The following CREB5 variants were observed in gnomAD, a reference collection of about 807,000 sequenced individuals.
The protein encoded by CREB5 is cAMP responsive element binding protein 5.
In CREB5, 19 loss-of-function variants were observed where a neutral mutation model predicts 57.1. The ratio of observed to expected loss-of-function variants is 0.33; its 90% CI spans 0.23 to 0.49. CREB5 has a LOEUF of 0.49. Among genes scored for constraint, CREB5 ranks in the 20% least tolerant of loss-of-function variants. The pLI is 0.99. For synonymous variants in CREB5, 238 were observed against 238.3 expected (o/e 1.00, Z 0.01); for missense variants, 579 against 671.6 (o/e 0.86, Z 1.52).
chr7:28,343,463 TG>T (rs1238925735), intron 1 of CREB5, among the ~76,000 whole-genome samples: 4 of 152,020 alleles, frequency 2.6e-5, no homozygotes. Context: ...TTTCTGTGCC[TG>T]CCTGGCTTAT....
intron 1 of CREB5, among the ~76,000 whole-genome samples, chr7:28,354,893 G>C (rs900242435): frequency 6.6e-5 from 10 of 152,200 alleles, no homozygotes; most frequent in African/African-American, 2.4e-4. Flanking sequence ...TGAAGTCACA[G>C]ACGTAAGGAT....
chr7:28,334,737 G>C (rs1377097877), intron 1 of CREB5, among the ~76,000 whole-genome samples: 4 of 152,094 alleles, frequency 2.6e-5, no homozygotes, highest in Admixed American at 6.5e-5. Flanking sequence ...TGTTTGCTTT[G>C]GTTGCCAGTG....
At chr7:28,561,013 T>TGCGTGCGTGCGTGCGC (rs1562798550) in intron 4 of CREB5, among the ~76,000 whole-genome samples, 3 of 40,576 alleles carry the variant, frequency 7.4e-5, no homozygotes, top group African/African-American at 1.3e-4. Context: ...TGCGTGTGTG[T>TGCGTGCGTGCGTGCGC]GTGCGTGTGT....
intron 4 of CREB5, among the ~76,000 whole-genome samples, chr7:28,514,630 G>A (rs530242391): frequency 1.3e-5 from 2 of 152,258 alleles, no homozygotes; most frequent in South Asian, 2.1e-4. Flanking sequence ...CTCGGACCTC[G>A]TGATCCGCCC....
At chr7:28,730,871 T>C (rs1271663375) in intron 7 of CREB5, among the ~76,000 whole-genome samples, 1 of 152,208 alleles carries the variant, frequency 6.6e-6, no homozygotes, top group Non-Finnish European at 1.5e-5. Flanking sequence ...TATTATATCA[T>C]GCTATCCCTG....
intron 5 of CREB5, among the ~76,000 whole-genome samples, chr7:28,605,488 T>C (rs1280769782): frequency 6.6e-6 from 1 of 152,222 alleles, no homozygotes; most frequent in Non-Finnish European, 1.5e-5. Flanking sequence ...TTTCTATTTT[T>C]GGCCTTCATG....
At chr7:28,628,766 T>G (rs1341979987) in intron 5 of CREB5, among the ~76,000 whole-genome samples, 2 of 152,146 alleles carry the variant, frequency 1.3e-5, no homozygotes, top group African/African-American at 4.8e-5. Context: ...TTATAGACAT[T>G]TCCTCTGCTG....
At chr7:28,437,290 G>C (rs1485610982) in intron 1 of CREB5, among the ~76,000 whole-genome samples, 1 of 152,118 alleles carries the variant, frequency 6.6e-6, no homozygotes, top group Non-Finnish European at 1.5e-5. Context: ...AGGAAACTGA[G>C]GTTTAGAGAA....
intron 1 of CREB5, among the ~76,000 whole-genome samples, chr7:28,465,559 G>T (rs1790528476): frequency 6.6e-6 from 1 of 152,206 alleles, no homozygotes. Context: ...ATAGGATTTG[G>T]AGGTAGAGGG....
chr7:28,324,187 T>C (rs1040350996), intron 1 of CREB5, among the ~76,000 whole-genome samples: 3 of 152,186 alleles, frequency 2.0e-5, no homozygotes, highest in African/African-American at 4.8e-5. Flanking sequence ...AAGCTCCTGT[T>C]TAAAGAACAT....
In CREB5 at chr7:28,434,131, C is replaced by G. The variant is rs553790955; in HGVS notation, c.3+21214C>G. Among the ~76,000 whole-genome samples, 5 of 152,190 alleles carry G rather than the reference C, an allele frequency of 3.3e-5. No homozygotes were observed. In the South Asian group the frequency reaches 1.0e-3, roughly 32 times the overall value. Reference sequence around the variant, plus strand: ...AGTGAGCAGAATTAGTTAACAAGGGCTTGGGGGCTCAGGAATTCCAGGTAT... The same window carrying G: ...AGTGAGCAGAATTAGTTAACAAGGGGTTGGGGGCTCAGGAATTCCAGGTAT... On this transcript the variant is annotated intron_variant, in intron 1 of 10. Transcript: ENST00000357727.
intron 1 of CREB5, among the ~76,000 whole-genome samples, chr7:28,374,710 G>C (rs1483274794): frequency 6.6e-6 from 1 of 152,144 alleles, no homozygotes; most frequent in African/African-American, 2.4e-5. Context: ...GGTGTTCGCT[G>C]TTTGAAACAA....
At position 28,528,830 on chromosome 7, in the gene CREB5, A is replaced by T. The variant is rs114065890; in HGVS notation, c.291+21093A>T. Among the ~76,000 whole-genome samples, 968 of 151,932 alleles carry T rather than the reference A, an allele frequency of 6.4e-3. 11 individuals are homozygous for T. Among genetic ancestry groups the T allele is most frequent in the African/African-American group, 0.021 (883 of 41,368 alleles). On this transcript the variant is annotated intron_variant, in intron 4 of 10. Coordinates refer to ENST00000357727, the MANE Select transcript of CREB5 (RefSeq NM_182898.4). ...GTGTGTTTCTCACTTTTAAAGAAGA[A>T]TATGATATTTATTTCCCTTCTTTGG...
At chr7:28,658,573 G>A (rs1432772154) in intron 5 of CREB5, among the ~76,000 whole-genome samples, 3 of 152,158 alleles carry the variant, frequency 2.0e-5, no homozygotes, top group Non-Finnish European at 4.4e-5. Context: ...AACAAAGCAC[G>A]TCTGCACTCA....
chr7:28,704,756 C>T lies in CREB5; in HGVS notation c.465-13997C>T, dbSNP rs115580984. 4.1e-3 allele frequency among the ~76,000 whole-genome samples: 619 copies of T among 152,204 alleles called. 1 individual carries two copies. Among genetic ancestry groups the T allele is most frequent in the African/African-American group, 0.014 (593 of 41,514 alleles). Reference sequence around the variant, plus strand: ...ACAGATGTGAGCCACTGCACCCAGCCGGATTACTCTCTCTTGATCATATCT... The same window carrying T: ...ACAGATGTGAGCCACTGCACCCAGCTGGATTACTCTCTCTTGATCATATCT... On this transcript the variant is annotated intron_variant, in intron 5 of 10. Transcript: ENST00000357727.
intron 7 of CREB5, among the ~76,000 whole-genome samples, chr7:28,739,962 C>T (rs947003670): frequency 6.6e-5 from 10 of 152,110 alleles, no homozygotes; most frequent in African/African-American, 1.9e-4. Flanking sequence ...CTCATTCGGC[C>T]GTGCCAACTT....
At chr7:28,585,683 A>G (rs535876118) in intron 5 of CREB5, among the ~76,000 whole-genome samples, 2 of 152,218 alleles carry the variant, frequency 1.3e-5, no homozygotes, top group Non-Finnish European at 2.9e-5. Context: ...CAGAAACCTA[A>G]TGCTCCGAGA....
Position 28,819,344 on chromosome 7 carries a change from G to T in CREB5, c.*65G>T, listed in dbSNP as rs768491691. ...GTACCATGCGTCCTTTCTTTTAAGG[G>T]CATTTTTAGAATTAACTCAGACCTG... On this transcript the variant is annotated 3_prime_UTR_variant, in exon 11 of 11. Coordinates refer to ENST00000357727, the MANE Select transcript of CREB5 (RefSeq NM_182898.4). The T allele has an allele frequency of 9.0e-5, 136 of 1,505,272 alleles. No individual in the cohort carries two copies. Among genetic ancestry groups the T allele is most frequent in the Middle Eastern group, 3.7e-4 (2 of 5,444 alleles). 93.2% of individuals were successfully genotyped at this position (1,505,272 alleles called of 1,614,324 possible).
intron 4 of CREB5, among the ~76,000 whole-genome samples, chr7:28,522,520 C>A (rs924968122): frequency 6.6e-6 from 1 of 151,736 alleles, no homozygotes; most frequent in Non-Finnish European, 1.5e-5. Flanking sequence ...CTCAGCCTCC[C>A]AAGTAGCTGG....
Sources: gnomAD v4.1 joint callset for allele counts (sites outside exome capture counted in the v4.1 genomes callset) on GRCh38, gnomAD v4.1.1 for gene constraint, MANE v1.5 for transcripts, NCBI Gene and HGNC (gene_info 2026-07-23, HGNC 2026-07-21) for gene names.